FRMD6: variants seen among roughly 807,000 people sequenced by gnomAD.
FRMD6 encodes the protein FERM domain containing 6.
FRMD6 carries 37 observed loss-of-function variants against 73.2 expected under a neutral mutation model. The observed-to-expected ratio is 0.51, with a 90% CI of 0.39 to 0.66. FRMD6 has a LOEUF of 0.66. FRMD6 is among the 30% of genes least tolerant of loss of function. The pLI, the probability that FRMD6 is intolerant of heterozygous loss-of-function variation, is 0.00. For synonymous variants in FRMD6, 273 were observed against 282.2 expected, an observed-to-expected ratio of 0.97 and a Z score of 0.33; for missense variants, 714 against 780.5, an observed-to-expected ratio of 0.91 and a Z score of 1.02.
chr14:51,644,888 G>C (rs1394470336), intron 2 of FRMD6, among the ~76,000 whole-genome samples: 1 of 152,172 alleles, frequency 6.6e-6, no homozygotes, highest in Non-Finnish European at 1.5e-5. Context: ...TCTTCCTCTT[G>C]AAGCTAAATC....
Position 51,698,128 on chromosome 14 carries a change from T to C in FRMD6, c.100-14T>C. On this transcript the variant is annotated splice_polypyrimidine_tract_variant and intron_variant, in intron 2 of 13. Coordinates refer to ENST00000344768, the MANE Select transcript of FRMD6 (RefSeq NM_001267046.2). ...TTGAATTGTTATTTTACGTCGTGCC[T>C]TTTTCCCCTACAGGTTAAGATTCTG... The C allele has an allele frequency of 6.3e-7, 1 of 1,581,094 alleles. No homozygotes were observed. Among genetic ancestry groups the C allele is most frequent in the Non-Finnish European group, 8.7e-7 (1 of 1,155,150 alleles).
At chr14:51,419,149 C>A in the FRMD6 span, among the ~76,000 whole-genome samples, 12 of 152,182 alleles carry the variant, frequency 7.9e-5, no homozygotes, top group African/African-American at 1.4e-4. Flanking sequence ...TGAGGTGATG[C>A]CCCGCCCTGC....
rs921991424 is a variant in FRMD6, at chr14:51,728,959, T to A, written c.*930T>A. On this transcript the variant is annotated 3_prime_UTR_variant, in exon 14 of 14. Coordinates refer to ENST00000344768, the MANE Select transcript of FRMD6 (RefSeq NM_001267046.2). ...ATACATGGGATTGTGTATGTCTATA[T>A]GTGTTTAAAGCTTACTATGTCTTCA... 9 of 152,226 alleles carry A rather than the reference T, an allele frequency of 5.9e-5. No homozygotes were observed. The highest frequency in any genetic ancestry group is 2.2e-4 in the African/African-American group (9 of 41,460). 9.4% of individuals were successfully genotyped at this position (152,226 alleles called of 1,614,324 possible).
chr14:51,536,373 A>G (rs1885892618), intron 1 of FRMD6, among the ~76,000 whole-genome samples: 1 of 151,928 alleles, frequency 6.6e-6, no homozygotes, highest in African/African-American at 2.4e-5. Flanking sequence ...GATCACAGGC[A>G]TGAGCCACTG....
At chr14:51,422,390 GA>G in the FRMD6 span, among the ~76,000 whole-genome samples, 3 of 151,580 alleles carry the variant, frequency 2.0e-5, no homozygotes, top group South Asian at 2.1e-4. Flanking sequence ...CTATAATTAG[GA>G]AAAAAATTAA....
chr14:51,728,126 AC>A lies in FRMD6; in HGVS notation c.*100del. The A allele has an allele frequency of 9.1e-7, 1 of 1,100,010 alleles. No homozygotes were observed. The highest frequency in any genetic ancestry group is 1.6e-5 in the South Asian group (1 of 62,266). The allele number at this position is 1,100,010 out of a possible 1,614,324, so 68.1% of individuals were successfully genotyped here. ...ATATTACTTGTGCCATATCTTCTTC[AC>A]CCTAAACATAGCTCTTTCTTTATAA... On this transcript the variant is annotated 3_prime_UTR_variant, in exon 14 of 14. Coordinates refer to ENST00000344768, the MANE Select transcript of FRMD6 (RefSeq NM_001267046.2).
intron 1 of FRMD6, among the ~76,000 whole-genome samples, chr14:51,495,915 G>A (rs921588315): frequency 6.6e-6 from 1 of 152,172 alleles, no homozygotes; most frequent in African/African-American, 2.4e-5. Context: ...TATTGGTTTA[G>A]GTGGTCACCA....
intron 2 of FRMD6, among the ~76,000 whole-genome samples, chr14:51,605,979 G>A (rs1890241552): frequency 6.6e-6 from 1 of 152,174 alleles, no homozygotes; most frequent in Non-Finnish European, 1.5e-5. Flanking sequence ...AGAGAAATTG[G>A]TGTCTTAATT....
intron 1 of FRMD6, among the ~76,000 whole-genome samples, chr14:51,534,906 C>T (rs144639421): frequency 2.6e-5 from 4 of 152,274 alleles, no homozygotes; most frequent in Non-Finnish European, 5.9e-5. Context: ...CAGTGGAGAA[C>T]GCAGGGCCCC....
intron 2 of FRMD6, among the ~76,000 whole-genome samples, chr14:51,598,287 C>T (rs1259212934): frequency 1.3e-5 from 2 of 152,164 alleles, no homozygotes; most frequent in African/African-American, 4.8e-5. Flanking sequence ...CTCCTCCATT[C>T]CCTTCCTGCA....
the FRMD6 span, among the ~76,000 whole-genome samples, chr14:51,399,363 A>T: frequency 6.6e-6 from 1 of 152,156 alleles, no homozygotes; most frequent in African/African-American, 2.4e-5. Flanking sequence ...TAAATATTAA[A>T]TCTACTACTT....
At chr14:51,453,839 G>C in the FRMD6 span, among the ~76,000 whole-genome samples, 7 of 152,164 alleles carry the variant, frequency 4.6e-5, no homozygotes, top group Admixed American at 1.3e-4. Flanking sequence ...TAGGTGGGAG[G>C]CTGGTGTATA....
chr14:51,713,498 G>T (rs1897068246), intron 9 of FRMD6: 1 of 150,110 alleles, frequency 6.7e-6, no homozygotes, highest in Admixed American at 6.7e-5. Context: ...GCTTTGTTCA[G>T]AAATTACTGA....
At chr14:51,498,775 T>C (rs1363812034) in intron 1 of FRMD6, among the ~76,000 whole-genome samples, 3 of 152,142 alleles carry the variant, frequency 2.0e-5, no homozygotes, top group Non-Finnish European at 4.4e-5. Context: ...CGGCATCGCA[T>C]GGGAGGAAAC....
intron 2 of FRMD6, among the ~76,000 whole-genome samples, chr14:51,608,194 C>T (rs570310727): frequency 6.6e-6 from 1 of 152,342 alleles, no homozygotes; most frequent in South Asian, 2.1e-4. Context: ...GCACCCAGGA[C>T]TGCCGACCTA....
At chr14:51,533,478 ACAGGAGT>A (rs972599187) in intron 1 of FRMD6, among the ~76,000 whole-genome samples, 4 of 152,180 alleles carry the variant, frequency 2.6e-5, no homozygotes, top group Non-Finnish European at 5.9e-5. Context: ...TGGTGTTTTT[ACAGGAGT>A]CTAATGCATA....
chr14:51,512,995 C>T (rs931101532), intron 1 of FRMD6, among the ~76,000 whole-genome samples: 20 of 152,272 alleles, frequency 1.3e-4, no homozygotes, highest in Admixed American at 9.8e-4. Context: ...CAAAAGTAGC[C>T]TTTCAGAGGA....
intron 2 of FRMD6, among the ~76,000 whole-genome samples, chr14:51,628,524 C>T (rs1423946623): frequency 2.0e-5 from 3 of 151,978 alleles, no homozygotes; most frequent in African/African-American, 7.2e-5. Flanking sequence ...ATTTAAATGG[C>T]TTGGATGTGA....
chr14:51,728,063 C>T lies in FRMD6; in HGVS notation c.*34C>T. On this transcript the variant is annotated 3_prime_UTR_variant, in exon 14 of 14. Transcript: ENST00000344768. ...TGTGTGCAGCTGTACAGGCAGCTTA[C>T]TGTTTGCTAGAGGATGCGAAAGTCA... 2 of 1,577,696 alleles carry T rather than the reference C, an allele frequency of 1.3e-6. No individual in the cohort carries two copies. The highest frequency in any genetic ancestry group is 1.7e-6 in the Non-Finnish European group (2 of 1,156,198).
Sources: gnomAD v4.1 joint callset for allele counts (sites outside exome capture counted in the v4.1 genomes callset) on GRCh38, gnomAD v4.1.1 for gene constraint, MANE v1.5 for transcripts, NCBI Gene and HGNC (gene_info 2026-07-23, HGNC 2026-07-21) for gene names.